Variants in SLC6A15 observed in about 807,000 individuals in gnomAD.
SLC6A15 encodes sodium-dependent neutral amino acid transporter B(0)AT2.
A neutral mutation model predicts 68.5 loss-of-function variants in SLC6A15; 33 were observed. That is an observed-to-expected ratio of 0.48 (90% CI 0.37 to 0.64). The LOEUF is 0.64. Among genes scored for constraint, SLC6A15 ranks in the 30% least tolerant of loss-of-function variants. The pLI, the probability that SLC6A15 is intolerant of heterozygous loss-of-function variation, is 0.00. For synonymous variants in SLC6A15, 347 were observed against 301.0 expected (o/e 1.15, Z -1.58); for missense variants, 747 against 874.3 (o/e 0.85, Z 1.84).
At chr12:84,909,382 T>C (rs1023046052) in intron 1 of SLC6A15, among the ~76,000 whole-genome samples, 10 of 152,180 alleles carry the variant, frequency 6.6e-5, no homozygotes, top group African/African-American at 2.2e-4. Flanking sequence ...GCATTTGAAA[T>C]TGCCCTATAT....
At position 84,861,489 on chromosome 12, in the gene SLC6A15, G is replaced by A. The variant is rs1476189917; in HGVS notation, c.*143C>T. Reference sequence around the variant, plus strand: ...TCCAAAAGAATGCTCAAGTTGAACTGACATATACTGTTAGGATTAAAGATC... The same window carrying A: ...TCCAAAAGAATGCTCAAGTTGAACTAACATATACTGTTAGGATTAAAGATC... On this transcript the variant is annotated 3_prime_UTR_variant, in exon 12 of 12. Transcript: ENST00000266682. 1 of 915,182 alleles carries A rather than the reference G, an allele frequency of 1.1e-6. No individual in the cohort carries two copies. Among genetic ancestry groups the A allele is most frequent in the African/African-American group, 1.7e-5 (1 of 60,152 alleles). 56.7% of individuals were successfully genotyped at this position (915,182 alleles called of 1,614,324 possible).
intron 9 of SLC6A15, 189 bp from the exon 10 acceptor site, chr12:84,867,382 A>T (rs1871108050): frequency 5.6e-6 from 2 of 355,706 alleles, no homozygotes; most frequent in Non-Finnish European, 1.0e-5. Context: ...TAGCCTCAAC[A>T]TTCATACAAA....
intron 1 of SLC6A15, among the ~76,000 whole-genome samples, chr12:84,895,313 A>C (rs1872591813): frequency 7.0e-6 from 1 of 142,500 alleles, no homozygotes; most frequent in African/African-American, 2.6e-5. Flanking sequence ...AGTATTTTGC[A>C]CTTAGATGTT....
intron 2 of SLC6A15, among the ~76,000 whole-genome samples, chr12:84,887,008 T>G (rs1872141443): frequency 6.6e-6 from 1 of 152,180 alleles, no homozygotes; most frequent in Non-Finnish European, 1.5e-5. Flanking sequence ...AGTGGTGTGA[T>G]CACTGTTCAC....
intron 9 of SLC6A15, 106 bp from the exon 10 acceptor site, chr12:84,867,299 TC>T (rs1408970789): frequency 2.1e-6 from 2 of 933,918 alleles, no homozygotes; most frequent in Non-Finnish European, 3.0e-6. Context: ...TTATAACATG[TC>T]CATCATATAA....
intron 1 of SLC6A15, among the ~76,000 whole-genome samples, chr12:84,895,337 G>GTT (rs1362312029): frequency 4.6e-5 from 3 of 65,404 alleles, no homozygotes; most frequent in Admixed American, 1.5e-4. Flanking sequence ...ATTTTTGTTT[G>GTT]TATTTTTTTT....
intron 1 of SLC6A15, among the ~76,000 whole-genome samples, chr12:84,903,042 A>G (rs1374568480): frequency 6.6e-6 from 1 of 152,132 alleles, no homozygotes; most frequent in Non-Finnish European, 1.5e-5. Flanking sequence ...ACCGTATCTG[A>G]CATAAGATGT....
chr12:84,861,105 T>C lies in SLC6A15; in HGVS notation c.*527A>G, dbSNP rs1870826073. 1 of 152,378 alleles carries C rather than the reference T, an allele frequency of 6.6e-6. No homozygotes were observed. Among genetic ancestry groups the C allele is most frequent in the Non-Finnish European group, 1.5e-5 (1 of 68,224 alleles). The allele number at this position is 152,378 out of a possible 1,614,324, so 9.4% of individuals were successfully genotyped here. On this transcript the variant is annotated 3_prime_UTR_variant, in exon 12 of 12. Transcript: ENST00000266682. ...TATACAGCTATTACATAAGAAAATATTTTGCAGTTTTCTTCAACTAATTGC... is the reference window on the plus strand; with the variant it reads ...TATACAGCTATTACATAAGAAAATACTTTGCAGTTTTCTTCAACTAATTGC...
intron 1 of SLC6A15, among the ~76,000 whole-genome samples, chr12:84,903,868 G>A (rs1005593525): frequency 1.3e-5 from 2 of 151,986 alleles, no homozygotes; most frequent in Admixed American, 1.3e-4. Flanking sequence ...ACATCTTTAG[G>A]AGGCATATAC....
intron 1 of SLC6A15, among the ~76,000 whole-genome samples, chr12:84,907,183 A>G (rs1391989677): frequency 6.6e-6 from 1 of 152,056 alleles, no homozygotes; most frequent in Non-Finnish European, 1.5e-5. Context: ...CCCTGTCTAT[A>G]CTAAAAATAC....
Position 84,861,025 on chromosome 12 carries a change from A to T in SLC6A15, c.*607T>A, listed in dbSNP as rs1307275152. The T allele has an allele frequency of 6.6e-6, 1 of 152,148 alleles. No homozygotes were observed. Among genetic ancestry groups the T allele is most frequent in the Admixed American group, 6.5e-5 (1 of 15,270 alleles). 9.4% of individuals were successfully genotyped at this position (152,148 alleles called of 1,614,324 possible). The stretch of plus-strand genomic sequence containing the variant: ...TCACATGATTCTCAGTCACCTCTGA[A>T]TCTCATCTTTCATCCCAGCGTTAGT... On this transcript the variant is annotated 3_prime_UTR_variant, in exon 12 of 12. Coordinates refer to ENST00000266682, the MANE Select transcript of SLC6A15 (RefSeq NM_182767.6).
At chr12:84,889,413 C>T (rs1437172855) in intron 2 of SLC6A15, among the ~76,000 whole-genome samples, 3 of 151,206 alleles carry the variant, frequency 2.0e-5, no homozygotes, top group South Asian at 4.2e-4. Flanking sequence ...TGGCATGAAC[C>T]CGGGAGGCGG....
intron 1 of SLC6A15, among the ~76,000 whole-genome samples, chr12:84,895,754 G>A (rs2120694139): frequency 6.6e-6 from 1 of 152,256 alleles, no homozygotes; most frequent in East Asian, 1.9e-4. Flanking sequence ...AGTTTCTGAA[G>A]AGATTTATTA....
chr12:84,902,388 T>A (rs1369591321), intron 1 of SLC6A15, among the ~76,000 whole-genome samples: 1 of 152,022 alleles, frequency 6.6e-6, no homozygotes, highest in Admixed American at 6.6e-5. Flanking sequence ...AGAAACTAAA[T>A]CAATCACATG....
Position 84,892,186 on chromosome 12 carries a change from A to AT in SLC6A15, c.-67dup. 1 of 1,408,498 alleles carries AT rather than the reference A, an allele frequency of 7.1e-7. No individual in the cohort carries two copies. The highest frequency in any genetic ancestry group is 1.4e-5 in the South Asian group (1 of 70,848). 87.3% of individuals were successfully genotyped at this position (1,408,498 alleles called of 1,614,324 possible). On this transcript the variant is annotated 5_prime_UTR_variant, in exon 2 of 12. Transcript: ENST00000266682. ...CCCTTATGGCAAATGTGTTAACTCT[A>AT]TTTTTCAAAACAATGTTACTTGATA...
chr12:84,889,032 G>A (rs955586807), intron 2 of SLC6A15, among the ~76,000 whole-genome samples: 2 of 152,132 alleles, frequency 1.3e-5, no homozygotes, highest in East Asian at 1.9e-4. Context: ...TTCCGGAGAC[G>A]TCCTGTTTCA....
intron 2 of SLC6A15, among the ~76,000 whole-genome samples, chr12:84,888,369 C>A (rs557959486): frequency 4.6e-5 from 7 of 152,108 alleles, no homozygotes; most frequent in African/African-American, 1.4e-4. Context: ...GCCTAAGTGC[C>A]CATCGACTAA....
At chr12:84,871,745 G>A (rs1032883805) in intron 8 of SLC6A15, among the ~76,000 whole-genome samples, 4 of 152,092 alleles carry the variant, frequency 2.6e-5, no homozygotes, top group African/African-American at 9.7e-5. Context: ...AATAATTAGT[G>A]ACTAATTTCT....
Position 84,860,388 on chromosome 12 carries a change from C to T in SLC6A15, c.*1244G>A, listed in dbSNP as rs772970750. ...TTATACTTTGCAGACAATATTGAAT[C>T]AGCAAGCAGTCAATTGTACACATGG... On this transcript the variant is annotated 3_prime_UTR_variant, in exon 12 of 12. Transcript: ENST00000266682. The T allele has an allele frequency of 1.3e-5, 2 of 152,064 alleles. No individual in the cohort carries two copies. Among genetic ancestry groups the T allele is most frequent in the Non-Finnish European group, 2.9e-5 (2 of 67,956 alleles). The allele number at this position is 152,064 out of a possible 1,614,324, so 9.4% of individuals were successfully genotyped here. A position where few individuals can be genotyped will look rare whatever the true frequency, so the allele number is the denominator to read the frequency against.
Sources: allele counts gnomAD v4.1 joint callset (sites outside exome capture counted in the v4.1 genomes callset), GRCh38; gene constraint gnomAD v4.1.1; transcripts MANE v1.5; gene names NCBI Gene and HGNC (gene_info 2026-07-23, HGNC 2026-07-21).